Variants in TAFA5 observed in about 807,000 individuals in gnomAD.
The protein encoded by TAFA5 is TAFA chemokine like family member 5, also known as chemokine-like protein TAFA-5.
A neutral mutation model predicts 15.3 loss-of-function variants in TAFA5; 6 were observed. The observed-to-expected ratio is 0.39, with a 90% CI of 0.21 to 0.77. The LOEUF is 0.77. Among genes scored for constraint, TAFA5 ranks in the 30% least tolerant of loss-of-function variants. TAFA5 has a pLI of 0.41. For missense variants in TAFA5, 161 were observed against 193.1 expected, an observed-to-expected ratio of 0.83 and a Z score of 0.98; for synonymous variants, 103 against 80.7, an observed-to-expected ratio of 1.28 and a Z score of -1.48.
chr22:48,542,105 T>C lies in TAFA5; in HGVS notation c.112+52401T>C, dbSNP rs528817380. The stretch of plus-strand genomic sequence containing the variant: ...TGTGTGTGCATGTGTGATGTGTGTG[T>C]GGTGTGTGTGTGTGTGGTGTGTGTG... On this transcript the variant is annotated intron_variant, in intron 1 of 3. Coordinates refer to ENST00000402357, the MANE Select transcript of TAFA5 (RefSeq NM_001082967.3). 4.2e-3 allele frequency among the ~76,000 whole-genome samples: 171 copies of C among 40,414 alleles called. 3 individuals are homozygous for C. Among genetic ancestry groups the C allele is most frequent in the African/African-American group, 7.5e-3 (165 of 21,860 alleles). The allele number at this position is 40,414 out of a possible 152,430, so 26.5% of individuals were successfully genotyped here.
At chr22:48,504,690 A>G (rs1448199506) in intron 1 of TAFA5, among the ~76,000 whole-genome samples, 3 of 152,218 alleles carry the variant, frequency 2.0e-5, no homozygotes, top group Non-Finnish European at 2.9e-5. Context: ...CAGGACATGC[A>G]TGGAAGGCAC....
intron 2 of TAFA5, among the ~76,000 whole-genome samples, chr22:48,695,391 A>T (rs1009885929): frequency 6.6e-6 from 1 of 152,168 alleles, no homozygotes; most frequent in Non-Finnish European, 1.5e-5. Context: ...CTGGAATCTC[A>T]CTGGTTTTGT....
At chr22:48,665,093 C>T (rs1927566277) in intron 2 of TAFA5, among the ~76,000 whole-genome samples, 1 of 152,140 alleles carries the variant, frequency 6.6e-6, no homozygotes, top group African/African-American at 2.4e-5. Context: ...CGGCGATGGT[C>T]AGTGTGTTTA....
intron 3 of TAFA5, among the ~76,000 whole-genome samples, chr22:48,721,102 G>A (rs530393184): frequency 6.6e-6 from 1 of 152,340 alleles, no homozygotes; most frequent in East Asian, 1.9e-4. Context: ...GTGGACGTGA[G>A]CTCCATCTCG....
chr22:48,641,568 T>C (rs1365739196), intron 1 of TAFA5, among the ~76,000 whole-genome samples: 1 of 122,778 alleles, frequency 8.1e-6, no homozygotes, highest in African/African-American at 3.1e-5. Flanking sequence ...GCCCTCCCCT[T>C]CCCCCTGCAC....
At chr22:48,576,445 C>A in intron 1 of TAFA5, 3 of 1,363,084 alleles carry the variant, frequency 2.2e-6, no homozygotes, top group Non-Finnish European at 2.9e-6. Context: ...CTTCGCTGCG[C>A]GACTTCGGGG....
chr22:48,568,180 C>T (rs1031277195), intron 1 of TAFA5, among the ~76,000 whole-genome samples: 2 of 152,268 alleles, frequency 1.3e-5, no homozygotes, highest in Non-Finnish European at 2.9e-5. Context: ...CTCAGCCATC[C>T]CAAGGCCCAG....
intron 1 of TAFA5, among the ~76,000 whole-genome samples, chr22:48,515,013 C>T (rs911306499): frequency 6.6e-6 from 1 of 152,242 alleles, no homozygotes; most frequent in Non-Finnish European, 1.5e-5. Context: ...ATTTAGGAAT[C>T]GTTCCATGGA....
In TAFA5 at chr22:48,552,901, C is replaced by T. The variant is rs948146847; in HGVS notation, c.112+63197C>T. Among the ~76,000 whole-genome samples the T allele has an allele frequency of 3.3e-5, 5 of 152,228 alleles. No individual in the cohort carries two copies. Among genetic ancestry groups the T allele is most frequent in the Admixed American group, 3.3e-4 (5 of 15,304 alleles). ...CTGGTTTCCCACTGTTGTGACGGCC[C>T]TGTCTGCATTCCCTGCAGAATACCC... On this transcript the variant is annotated intron_variant, in intron 1 of 3. Coordinates refer to ENST00000402357, the MANE Select transcript of TAFA5 (RefSeq NM_001082967.3). The surrounding 1 kb of genome is among the most constrained non-coding windows in gnomAD (Gnocchi z 4.1).
At chr22:48,623,439 CT>C (rs1925922154) in intron 1 of TAFA5, among the ~76,000 whole-genome samples, 1 of 89,146 alleles carries the variant, frequency 1.1e-5, no homozygotes, top group African/African-American at 4.7e-5. Flanking sequence ...ACGGGATGTG[CT>C]GCGTGGCCCT....
chr22:48,518,287 C>A (rs910462820), intron 1 of TAFA5, among the ~76,000 whole-genome samples: 1 of 152,208 alleles, frequency 6.6e-6, no homozygotes, highest in Non-Finnish European at 1.5e-5. Context: ...TGAGGCTCAG[C>A]CCTCCCCTCT....
At chr22:48,737,382 C>T (rs1272162150) in intron 3 of TAFA5, among the ~76,000 whole-genome samples, 4 of 152,172 alleles carry the variant, frequency 2.6e-5, no homozygotes, top group African/African-American at 4.8e-5. Context: ...GTGCTTCTGA[C>T]GCTGCCTTTG....
intron 2 of TAFA5, among the ~76,000 whole-genome samples, chr22:48,678,566 G>A (rs1419438085): frequency 4.4e-5 from 6 of 136,886 alleles, no homozygotes; most frequent in Admixed American, 7.3e-5. Context: ...TCGGGGAGCC[G>A]CGTGTGTGAC....
chr22:48,731,909 G>A (rs967925155), intron 3 of TAFA5, among the ~76,000 whole-genome samples: 20 of 152,208 alleles, frequency 1.3e-4, no homozygotes, highest in African/African-American at 4.8e-4. Context: ...AGCTGTCATA[G>A]ATCATGATTC....
intron 1 of TAFA5, chr22:48,545,415 A>G (rs1032282870): frequency 2.1e-5 from 4 of 186,712 alleles, no homozygotes; most frequent in Non-Finnish European, 4.6e-5. Context: ...CAGCAACCCT[A>G]TGTCTTGTAT....
intron 1 of TAFA5, among the ~76,000 whole-genome samples, chr22:48,581,685 G>T (rs993893091): frequency 6.6e-6 from 1 of 152,212 alleles, no homozygotes; most frequent in Non-Finnish European, 1.5e-5. Flanking sequence ...TCATGTGTGT[G>T]CATATGTGTG....
chr22:48,548,406 GTA>G (rs1421142066), intron 1 of TAFA5, among the ~76,000 whole-genome samples: 1 of 152,220 alleles, frequency 6.6e-6, no homozygotes, highest in African/African-American at 2.4e-5. Context: ...TTTCCAACCA[GTA>G]TATATTTTTT....
Position 48,749,949 on chromosome 22 carries a change from G to GT in TAFA5, c.*102_*103insT. ...TCGCCTCGGACTTCACCCGTTCTCT[G>GT]CCGCCCGCCCACTCCGTTTCCCTGT... On this transcript the variant is annotated 3_prime_UTR_variant, in exon 4 of 4. Coordinates refer to ENST00000402357, the MANE Select transcript of TAFA5 (RefSeq NM_001082967.3). 2 of 1,150,534 alleles carry GT rather than the reference G, an allele frequency of 1.7e-6. No individual in the cohort carries two copies. The highest frequency in any genetic ancestry group is 2.5e-6 in the Non-Finnish European group (2 of 792,412). The allele number at this position is 1,150,534 out of a possible 1,614,324, so 71.3% of individuals were successfully genotyped here.
At chr22:48,526,247 G>A (rs1921777831) in intron 1 of TAFA5, among the ~76,000 whole-genome samples, 1 of 152,242 alleles carries the variant, frequency 6.6e-6, no homozygotes, top group Non-Finnish European at 1.5e-5. Context: ...TGTGTGTGGT[G>A]TCCTGAGCTG....
Sources: gnomAD v4.1 joint callset for allele counts (sites outside exome capture counted in the v4.1 genomes callset) on GRCh38, gnomAD v4.1.1 for gene constraint, Gnocchi (gnomAD v3.1) non-coding constraint, MANE v1.5 for transcripts, NCBI Gene and HGNC (gene_info 2026-07-23, HGNC 2026-07-21) for gene names.